Variants in PRRC2B observed in about 807,000 individuals in gnomAD.
PRRC2B encodes protein PRRC2B.
Under a neutral mutation model 242.3 loss-of-function variants are expected in PRRC2B, and 68 were observed. The ratio of observed to expected loss-of-function variants is 0.28; its 90% CI spans 0.23 to 0.34. The LOEUF (loss-of-function observed/expected upper bound fraction) is 0.34. Ranked by LOEUF, PRRC2B falls within the 10% of genes least tolerant of loss-of-function variation. The pLI is 1.00. For synonymous variants in PRRC2B, 1,228 were observed against 1,173.6 expected, an observed-to-expected ratio of 1.05 and a Z score of -0.95; for missense variants, 2,835 against 2,954.8, an observed-to-expected ratio of 0.96 and a Z score of 0.94.
intron 23 of PRRC2B, among the ~76,000 whole-genome samples, chr9:131,484,373 G>T (rs564291750): frequency 3.3e-5 from 5 of 152,262 alleles, no homozygotes; most frequent in African/African-American, 1.2e-4. Context: ...GTGGATATGG[G>T]GGTGGCTCTC....
intron 5 of PRRC2B, 29 bp from the exon 6 acceptor site, chr9:131,444,156 C>A (rs747662776): frequency 6.2e-7 from 1 of 1,612,990 alleles, no homozygotes; most frequent in Non-Finnish European, 8.5e-7. Context: ...CATCTCACTT[C>A]CTCCATGTCT....
chr9:131,402,543 TCCTTTCCCCC>T (rs2131285333), intron 1 of PRRC2B, among the ~76,000 whole-genome samples: 1 of 152,282 alleles, frequency 6.6e-6, no homozygotes, highest in Non-Finnish European at 1.5e-5. Flanking sequence ...TATTGAATGG[TCCTTTCCCCC>T]AGTGGAGTGA....
At position 131,470,719 on chromosome 9, in the gene PRRC2B, C is replaced by T. The variant is rs139636713; in HGVS notation, c.1912-69C>T. The T allele has an allele frequency of 3.2e-4, 418 of 1,300,184 alleles. 1 individual carries two copies. The African/African-American group carries it at 4.7e-3, about 15-fold the overall frequency. The allele number at this position is 1,300,184 out of a possible 1,614,324, so 80.5% of individuals were successfully genotyped here. A position where few individuals can be genotyped will look rare whatever the true frequency, so the allele number is the denominator to read the frequency against. On this transcript the variant is annotated intron_variant, in intron 13 of 31. Transcript: ENST00000683519. The stretch of plus-strand genomic sequence containing the variant: ...GCTGCCAGCTGGAAAGCTGGAAGGG[C>T]GTGTGTTGGGTGGCATCTCTGTCCC...
At chr9:131,477,652 C>A in intron 16 of PRRC2B, 92 bp from the exon 17 acceptor site, 2 of 756,666 alleles carry the variant, frequency 2.6e-6, no homozygotes, top group Non-Finnish European at 2.2e-6. Flanking sequence ...GGGCCTAGAT[C>A]AGGGTGCCGG....
At chr9:131,467,338 T>TCAC (rs1943425840) in intron 12 of PRRC2B, among the ~76,000 whole-genome samples, 1 of 152,222 alleles carries the variant, frequency 6.6e-6, no homozygotes, top group African/African-American at 2.4e-5. Flanking sequence ...ACCCTTAGTG[T>TCAC]CCTAGTCTGT....
intron 30 of PRRC2B, among the ~76,000 whole-genome samples, chr9:131,493,390 G>C (rs894652284): frequency 6.6e-6 from 1 of 152,344 alleles, no homozygotes; most frequent in East Asian, 1.9e-4. Context: ...ACCATGGAGC[G>C]GAACTGGAAG....
At chr9:131,401,016 C>A (rs926515590) in intron 1 of PRRC2B, among the ~76,000 whole-genome samples, 1 of 150,066 alleles carries the variant, frequency 6.7e-6, no homozygotes, top group Non-Finnish European at 1.5e-5. Flanking sequence ...GGCTGGAGAG[C>A]AATGGCGCGA....
chr9:131,450,250 G>C (rs535684704), intron 9 of PRRC2B, among the ~76,000 whole-genome samples: 1 of 151,800 alleles, frequency 6.6e-6, no homozygotes, highest in East Asian at 1.9e-4. Flanking sequence ...TATCAACATC[G>C]ATAAGTGACA....
chr9:131,473,284 C>A (rs946507381), intron 14 of PRRC2B, among the ~76,000 whole-genome samples: 5 of 152,178 alleles, frequency 3.3e-5, no homozygotes, highest in Admixed American at 6.5e-5. Flanking sequence ...TTCTTGCCCC[C>A]TTCCTTGGAC....
At chr9:131,419,830 G>T (rs1375987180) in intron 1 of PRRC2B, among the ~76,000 whole-genome samples, 2 of 151,846 alleles carry the variant, frequency 1.3e-5, no homozygotes, top group Non-Finnish European at 2.9e-5. Flanking sequence ...GGGTGGCGGC[G>T]TGGGGCCAGC....
At position 131,487,151 on chromosome 9, in the gene PRRC2B, G is replaced by A. The variant is rs776459152; in HGVS notation, c.5857-16G>A. On this transcript the variant is annotated splice_polypyrimidine_tract_variant and intron_variant, in intron 26 of 31. Transcript: ENST00000683519. This position sits in a 1 kb window ranked among gnomAD's most constrained non-coding sequence, Gnocchi z 5.3. The stretch of plus-strand genomic sequence containing the variant: ...GCCTTGCGGTTACCTCCCCGACCCC[G>A]TTTTCCCGTTCACAGGCCGCCGCTG... 6.9e-5 allele frequency: 112 copies of A among 1,612,430 alleles called. No individual in the cohort carries two copies. Among genetic ancestry groups the A allele is most frequent in the Middle Eastern group, 1.7e-4 (1 of 5,790 alleles).
intron 1 of PRRC2B, among the ~76,000 whole-genome samples, chr9:131,401,262 A>G (rs2966333): frequency 0.72 from 110,212 of 152,070 alleles, 41,566 homozygotes; most frequent in East Asian, 0.91. Context: ...GTGTTGTGCA[A>G]CCATCACCAC....
At chr9:131,489,311 C>T (rs1244030473) in intron 28 of PRRC2B, among the ~76,000 whole-genome samples, 2 of 151,780 alleles carry the variant, frequency 1.3e-5, no homozygotes, top group Non-Finnish European at 2.9e-5. Flanking sequence ...CTCAGCCTCC[C>T]GAGTAGCTGG....
At chr9:131,467,538 A>G (rs1943431709) in intron 12 of PRRC2B, 25 bp from the exon 13 acceptor site, 1 of 1,550,866 alleles carries the variant, frequency 6.4e-7, no homozygotes, top group African/African-American at 1.4e-5. Flanking sequence ...TCACTGTGTC[A>G]TTTCTCTGCT....
intron 5 of PRRC2B, among the ~76,000 whole-genome samples, chr9:131,441,978 A>G (rs1172099679): frequency 2.2e-4 from 2 of 9,078 alleles, no homozygotes; most frequent in African/African-American, 2.6e-4. Flanking sequence ...TTTTGGTGTG[A>G]GATTTTTTTT....
chr9:131,420,494 T>G (rs946683100), intron 1 of PRRC2B, among the ~76,000 whole-genome samples: 16 of 10,064 alleles, frequency 1.6e-3, no homozygotes, highest in African/African-American at 3.9e-3. Context: ...TCTTTCTTTC[T>G]TTTTTTTTTT....
Position 131,446,462 on chromosome 9 carries a change from C to T in PRRC2B, c.675C>T (p.Thr225=). 1 of 1,613,860 alleles carries T rather than the reference C, an allele frequency of 6.2e-7. No individual in the cohort carries two copies. Among genetic ancestry groups the T allele is most frequent in the Non-Finnish European group, 8.5e-7 (1 of 1,179,870 alleles). ...RHIISATSLS[T]SPTELGSRNS... is the part of the protein sequence containing the mutation. ...TAATTTCTGCCACGTCTCTGAGCAC[C>T]TCCCCAACTGAGCTGGGCAGCAGGA... The change falls in exon 7 of 32, where the codon ACC becomes ACT. Residue 225 remains threonine, a synonymous_variant. Coordinates refer to ENST00000683519, the MANE Select transcript of PRRC2B (RefSeq NM_013318.4). The surrounding 1 kb of genome is among the most constrained non-coding windows in gnomAD (Gnocchi z 4.1).
chr9:131,447,290 T>C, intron 8 of PRRC2B, 84 bp downstream of exon 8: 1 of 1,535,250 alleles, frequency 6.5e-7, no homozygotes, highest in East Asian at 2.3e-5. Flanking sequence ...TGAATAGAAG[T>C]GCTGTGTCTC....
At chr9:131,424,568 C>T (rs1837931576) in intron 1 of PRRC2B, among the ~76,000 whole-genome samples, 1 of 152,074 alleles carries the variant, frequency 6.6e-6, no homozygotes, top group Admixed American at 6.6e-5. Context: ...CACCTGTAAT[C>T]CCAGCTACTC....
Sources: allele counts gnomAD v4.1 joint callset (sites outside exome capture counted in the v4.1 genomes callset), GRCh38; gene constraint gnomAD v4.1.1; non-coding constraint Gnocchi (gnomAD v3.1); transcripts MANE v1.5; gene names NCBI Gene and HGNC (gene_info 2026-07-23, HGNC 2026-07-21).